GCNT2: variants seen among roughly 807,000 people sequenced by gnomAD.
GCNT2 encodes the protein N-acetyllactosaminide beta-1,6-N-acetylglucosaminyl-transferase.
In GCNT2, 34 loss-of-function variants were observed where a neutral mutation model predicts 34.2. That is an observed-to-expected ratio of 1.00 (90% CI 0.76 to 1.32). The LOEUF (loss-of-function observed/expected upper bound fraction) is 1.32, where lower values mean the gene tolerates loss of function less well. Among genes scored for constraint, GCNT2 ranks in the 40% most tolerant of loss-of-function variants. The probability of loss-of-function intolerance (pLI) is 0.00; values close to 1 mark genes in which losing one functional copy is unlikely to be tolerated. For synonymous variants in GCNT2, 212 were observed against 188.0 expected, an observed-to-expected ratio of 1.13 and a Z score of -1.04; for missense variants, 584 against 489.4, an observed-to-expected ratio of 1.19 and a Z score of -1.82.
intron 3 of GCNT2, 73 bp downstream of exon 3, chr6:10,529,909 AAG>A: frequency 8.2e-7 from 1 of 1,223,434 alleles, no homozygotes; most frequent in Non-Finnish European, 1.2e-6. Flanking sequence ...TTGCTTTGAA[AAG>A]AGTGGAAAAA....
At chr6:10,553,592 T>C (rs1185923016) in intron 3 of GCNT2, among the ~76,000 whole-genome samples, 2 of 152,132 alleles carry the variant, frequency 1.3e-5, no homozygotes, top group African/African-American at 4.8e-5. Flanking sequence ...TCATCCTAAG[T>C]GGAAAAAAAT....
intron 3 of GCNT2, among the ~76,000 whole-genome samples, chr6:10,532,214 C>A (rs1027490704): frequency 6.6e-6 from 1 of 152,064 alleles, no homozygotes; most frequent in Non-Finnish European, 1.5e-5. Context: ...TCAGGGGACT[C>A]AACAGAAACT....
chr6:10,627,791 C>T lies in GCNT2; in HGVS notation c.*1184C>T, dbSNP rs75229997. The T allele has an allele frequency of 6.6e-6, 1 of 152,130 alleles. No homozygotes were observed. The highest frequency in any genetic ancestry group is 1.5e-5 in the Non-Finnish European group (1 of 68,022). The allele number at this position is 152,130 out of a possible 1,614,324, so 9.4% of individuals were successfully genotyped here. On this transcript the variant is annotated 3_prime_UTR_variant, in exon 5 of 5. Transcript: ENST00000495262. ...GTGATTGTAGTTTAATACAGGAACACACAGGGCTGTGTAGCATGATACCAG... is the reference window on the plus strand; with the variant it reads ...GTGATTGTAGTTTAATACAGGAACATACAGGGCTGTGTAGCATGATACCAG...
intron 3 of GCNT2, among the ~76,000 whole-genome samples, chr6:10,546,656 TTAAAA>T (rs1182736207): frequency 1.3e-5 from 2 of 152,042 alleles, no homozygotes; most frequent in African/African-American, 2.4e-5. Context: ...GAGACTCCGT[TTAAAA>T]GAAAAGAAAA....
chr6:10,528,000 C>T (rs932271233), intron 2 of GCNT2, among the ~76,000 whole-genome samples: 8 of 152,124 alleles, frequency 5.3e-5, no homozygotes, highest in African/African-American at 1.9e-4. Flanking sequence ...GCATCCTATG[C>T]GGACCAGGGC....
At chr6:10,595,412 G>A (rs576138541) in intron 3 of GCNT2, among the ~76,000 whole-genome samples, 2 of 152,062 alleles carry the variant, frequency 1.3e-5, no homozygotes, top group Admixed American at 1.3e-4. Flanking sequence ...CAAGTAGCTG[G>A]GACTATAGGT....
intron 3 of GCNT2, among the ~76,000 whole-genome samples, chr6:10,582,448 T>C (rs904445531): frequency 2.7e-4 from 35 of 127,396 alleles, no homozygotes; most frequent in African/African-American, 1.1e-3. Context: ...ATTTATTATA[T>C]AATATATATA....
chr6:10,594,662 C>T (rs1265477741), intron 3 of GCNT2, among the ~76,000 whole-genome samples: 4 of 152,054 alleles, frequency 2.6e-5, no homozygotes, highest in African/African-American at 7.2e-5. Flanking sequence ...TAAGAAAAAC[C>T]TACATGTGGT....
At chr6:10,534,866 A>C (rs188287717) in intron 3 of GCNT2, among the ~76,000 whole-genome samples, 161 of 152,196 alleles carry the variant, frequency 1.1e-3, no homozygotes, top group African/African-American at 3.6e-3. Flanking sequence ...GTCTCAAAAA[A>C]TGGATAAATA....
chr6:10,527,959 T>C (rs2113498808), intron 2 of GCNT2, among the ~76,000 whole-genome samples: 1 of 152,336 alleles, frequency 6.6e-6, no homozygotes, highest in South Asian at 2.1e-4. Context: ...TGCTCTTCTC[T>C]CCTTCCTCTA....
intron 3 of GCNT2, among the ~76,000 whole-genome samples, chr6:10,564,300 G>T (rs1763179647): frequency 6.6e-6 from 1 of 152,178 alleles, no homozygotes; most frequent in South Asian, 2.1e-4. Context: ...AATGTGTGTG[G>T]CGGGCCCCTC....
intron 3 of GCNT2, among the ~76,000 whole-genome samples, chr6:10,534,538 C>T (rs936453318): frequency 1.2e-4 from 19 of 152,172 alleles, no homozygotes; most frequent in Middle Eastern, 3.4e-3. Context: ...AATGAGGATC[C>T]CCGTTCTCAT....
intron 3 of GCNT2, among the ~76,000 whole-genome samples, chr6:10,613,466 C>T (rs145680600): frequency 8.5e-5 from 13 of 152,154 alleles, no homozygotes; most frequent in African/African-American, 3.1e-4. Context: ...ACCCATACTC[C>T]CCATAACTAC....
intron 3 of GCNT2, among the ~76,000 whole-genome samples, chr6:10,602,283 T>C (rs1440542123): frequency 6.6e-6 from 1 of 152,098 alleles, no homozygotes; most frequent in African/African-American, 2.4e-5. Flanking sequence ...CTGGTACTCC[T>C]AGGACCCCCT....
intron 3 of GCNT2, among the ~76,000 whole-genome samples, chr6:10,618,481 A>G (rs1765890678): frequency 6.6e-6 from 1 of 152,216 alleles, no homozygotes; most frequent in Non-Finnish European, 1.5e-5. Flanking sequence ...GAGAATGAAA[A>G]AGGAAGAAAA....
chr6:10,529,298 T>A lies in GCNT2; in HGVS notation c.387T>A (p.Asp129Glu), dbSNP rs1482403481. The A allele has an allele frequency of 6.2e-7, 1 of 1,614,008 alleles. No individual in the cohort carries two copies. Among genetic ancestry groups the A allele is most frequent in the African/African-American group, 1.3e-5 (1 of 74,892 alleles). Residue 129 changes from aspartate to glutamate, a missense_variant, in exon 3 of 5, where the codon GAT becomes GAA. Asp to Glu is a conservative substitution (Grantham distance 45). Transcript: ENST00000495262. Reference protein sequence around the residue: ...MPQNVYCVHLDQKATDAFKGA... With the variant: ...MPQNVYCVHLEQKATDAFKGA... ...AAAATGTCTACTGTGTGCACCTGGA[T>A]CAGAAGGCGACGGATGCCTTTAAAG...
At chr6:10,605,082 G>C (rs1417800725) in intron 3 of GCNT2, among the ~76,000 whole-genome samples, 1 of 151,820 alleles carries the variant, frequency 6.6e-6, no homozygotes, top group Admixed American at 6.6e-5. Flanking sequence ...GGAGGTGAAG[G>C]CTGCAGTGAT....
intron 3 of GCNT2, among the ~76,000 whole-genome samples, chr6:10,532,914 C>CTTTTTTT (rs67442555): frequency 3.5e-5 from 3 of 85,408 alleles, no homozygotes; most frequent in Admixed American, 1.4e-4. Flanking sequence ...GTGGTTTTTG[C>CTTTTTTT]TTTTTTTTTT....
intron 3 of GCNT2, chr6:10,586,969 G>T: frequency 8.2e-7 from 1 of 1,225,922 alleles, no homozygotes; most frequent in East Asian, 2.3e-5. Flanking sequence ...CATTCTGCTC[G>T]CCTAGAGAAC....
Sources: gnomAD v4.1 joint callset for allele counts (sites outside exome capture counted in the v4.1 genomes callset) on GRCh38, gnomAD v4.1.1 for gene constraint, MANE v1.5 for transcripts, NCBI Gene and HGNC (gene_info 2026-07-23, HGNC 2026-07-21) for gene names.